Variants in NFE2L2 observed in about 807,000 individuals in gnomAD.
NFE2L2 encodes the protein nuclear factor erythroid 2-related factor 2.
Under a neutral mutation model 49.6 loss-of-function variants are expected in NFE2L2, and 20 were observed. The ratio of observed to expected loss-of-function variants is 0.40; its 90% CI spans 0.28 to 0.59. The LOEUF (loss-of-function observed/expected upper bound fraction) is 0.59. NFE2L2 is among the 20% of genes least tolerant of loss of function. The probability of loss-of-function intolerance (pLI) is 0.40; values close to 1 mark genes in which losing one functional copy is unlikely to be tolerated. For missense variants in NFE2L2, 578 were observed against 714.2 expected (o/e 0.81, Z 2.17); for synonymous variants, 244 against 256.5 (o/e 0.95, Z 0.47).
chr2:177,259,563 G>A (rs570635143), intron 1 of NFE2L2, among the ~76,000 whole-genome samples: 4 of 152,122 alleles, frequency 2.6e-5, no homozygotes, highest in Non-Finnish European at 5.9e-5. Flanking sequence ...CTGACACACA[G>A]AAGGCTCAAA....
intron 1 of NFE2L2, 70 bp downstream of exon 1, chr2:177,264,462 G>T: frequency 1.4e-6 from 2 of 1,471,862 alleles, no homozygotes; most frequent in Non-Finnish European, 1.8e-6. Context: ...GTCCCTCCCG[G>T]GCCGCGGTTC....
At chr2:177,246,469 GTTTT>G (rs950527969) in intron 1 of NFE2L2, among the ~76,000 whole-genome samples, 2 of 151,158 alleles carry the variant, frequency 1.3e-5, no homozygotes, top group Non-Finnish European at 1.5e-5. Context: ...CTAGTATCAG[GTTTT>G]TTTTTGTTTT....
At chr2:177,264,451 T>C in intron 1 of NFE2L2, 81 bp downstream of exon 1, 1 of 1,417,226 alleles carries the variant, frequency 7.1e-7, no homozygotes, top group Non-Finnish European at 9.5e-7. Context: ...CGGTTGCGGC[T>C]GTCCCTCCCG....
At chr2:177,263,435 A>G (rs1401687172) in intron 1 of NFE2L2, 1 of 985,406 alleles carries the variant, frequency 1.0e-6, no homozygotes, top group African/African-American at 1.7e-5. Context: ...ATCCCGTCTT[A>G]CACATTTTGG....
chr2:177,258,018 CTT>C (rs1419945804), intron 1 of NFE2L2, among the ~76,000 whole-genome samples: 1 of 152,212 alleles, frequency 6.6e-6, no homozygotes, highest in East Asian at 1.9e-4. Flanking sequence ...CCCTCAGAAT[CTT>C]TAAAAAATAG....
intron 1 of NFE2L2, among the ~76,000 whole-genome samples, chr2:177,237,463 G>A (rs1454390488): frequency 6.6e-6 from 1 of 152,222 alleles, no homozygotes; most frequent in Non-Finnish European, 1.5e-5. Flanking sequence ...TGATGGACAT[G>A]TTTACCCAAA....
At chr2:177,241,851 AAAAAC>A (rs1689948665) in intron 1 of NFE2L2, among the ~76,000 whole-genome samples, 1 of 152,128 alleles carries the variant, frequency 6.6e-6, no homozygotes, top group Non-Finnish European at 1.5e-5. Context: ...AAACAAAAGC[AAAAAC>A]AAAACAAAAA....
intron 1 of NFE2L2, among the ~76,000 whole-genome samples, chr2:177,250,081 G>A (rs1690279690): frequency 6.6e-6 from 1 of 152,176 alleles, no homozygotes; most frequent in East Asian, 1.9e-4. Context: ...GCAATTATTT[G>A]TAAAAGCTAC....
At chr2:177,256,410 C>T (rs1052216445) in intron 1 of NFE2L2, among the ~76,000 whole-genome samples, 1 of 148,740 alleles carries the variant, frequency 6.7e-6, no homozygotes, top group African/African-American at 2.5e-5. Context: ...CCCCTAAATA[C>T]ACAGTCAATA....
chr2:177,246,670 G>C (rs1690143638), intron 1 of NFE2L2, among the ~76,000 whole-genome samples: 1 of 149,838 alleles, frequency 6.7e-6, no homozygotes, highest in African/African-American at 2.5e-5. Context: ...CAGAATCACA[G>C]CTCACTGCAG....
chr2:177,247,087 GATAA>G (rs1690158385), intron 1 of NFE2L2, among the ~76,000 whole-genome samples: 2 of 152,196 alleles, frequency 1.3e-5, no homozygotes, highest in South Asian at 4.1e-4. Context: ...GTATCCCTAA[GATAA>G]ATACTTAAAA....
Position 177,231,484 on chromosome 2 carries a change from G to C in NFE2L2, c.1119C>G (p.Leu373=), listed in dbSNP as rs2105452693. ...SSSYGDTLLG[L]SDSEVEELDS... ...CTAGCTCTTCCACTTCAGAATCACTGAGGCCAAGTAGTGTGTCTCCATAGC... is the reference window on the plus strand; with the variant it reads ...CTAGCTCTTCCACTTCAGAATCACTCAGGCCAAGTAGTGTGTCTCCATAGC... The change falls in exon 5 of 5, where the codon CTC becomes CTG. Residue 373 remains leucine (L), a synonymous_variant. Coordinates refer to ENST00000397062, the MANE Select transcript of NFE2L2 (RefSeq NM_006164.5). 1 of 1,614,248 alleles carries C rather than the reference G, an allele frequency of 6.2e-7. No homozygotes were observed. The highest frequency in any genetic ancestry group is 8.5e-7 in the Non-Finnish European group (1 of 1,180,032).
intron 1 of NFE2L2, among the ~76,000 whole-genome samples, chr2:177,237,487 G>C (rs1574263651): frequency 6.6e-6 from 1 of 152,194 alleles, no homozygotes; most frequent in Admixed American, 6.5e-5. Context: ...TATCATGGGA[G>C]ACAGAAAATT....
At chr2:177,245,148 A>G (rs985468441) in intron 1 of NFE2L2, among the ~76,000 whole-genome samples, 3 of 152,070 alleles carry the variant, frequency 2.0e-5, no homozygotes, top group East Asian at 3.8e-4. Flanking sequence ...TCTCATACAT[A>G]AAGAGACTTC....
Position 177,233,348 on chromosome 2 carries a change from A to G in NFE2L2, c.313-9T>C, listed in dbSNP as rs2105456947. On this transcript the variant is annotated splice_polypyrimidine_tract_variant and intron_variant, in intron 2 of 4. Coordinates refer to ENST00000397062, the MANE Select transcript of NFE2L2 (RefSeq NM_006164.5). Reference sequence around the variant, plus strand: ...TTGGGAATGTGGGCAACCTGATAAAAGGGAATGACACAAAGGAAAACAAAA... The same window carrying G: ...TTGGGAATGTGGGCAACCTGATAAAGGGGAATGACACAAAGGAAAACAAAA... 6.2e-7 allele frequency: 1 copy of G among 1,605,028 alleles called. No individual in the cohort carries two copies. Among genetic ancestry groups the G allele is most frequent in the East Asian group, 2.3e-5 (1 of 44,262 alleles).
chr2:177,264,413 C>A, intron 1 of NFE2L2, 119 bp downstream of exon 1: 2 of 1,109,764 alleles, frequency 1.8e-6, no homozygotes, highest in South Asian at 1.6e-5. Flanking sequence ...GCGCCGCGGT[C>A]CTGGCTCTGG....
chr2:177,251,558 G>C (rs998318576), intron 1 of NFE2L2, among the ~76,000 whole-genome samples: 2 of 152,144 alleles, frequency 1.3e-5, no homozygotes, highest in Non-Finnish European at 2.9e-5. Flanking sequence ...TGCCATTCTA[G>C]GGCACACACC....
In NFE2L2 at chr2:177,230,473, T is replaced by C. The variant is rs1008340182; in HGVS notation, c.*312A>G. On this transcript the variant is annotated 3_prime_UTR_variant, in exon 5 of 5. Coordinates refer to ENST00000397062, the MANE Select transcript of NFE2L2 (RefSeq NM_006164.5). ...ATAATTTCTTTTTAGCCAGATGTCATATCATCATATAAATCTATGAATATA... is the reference window on the plus strand; with the variant it reads ...ATAATTTCTTTTTAGCCAGATGTCACATCATCATATAAATCTATGAATATA... 2 of 265,748 alleles carry C rather than the reference T, an allele frequency of 7.5e-6. No homozygotes were observed. The highest frequency in any genetic ancestry group is 1.4e-5 in the Non-Finnish European group (2 of 141,418). 16.5% of individuals were successfully genotyped at this position (265,748 alleles called of 1,614,324 possible). A position where few individuals can be genotyped will look rare whatever the true frequency, so the allele number is the denominator to read the frequency against.
chr2:177,243,744 ATCCTCCTGCCTT>A (rs2105472042), intron 1 of NFE2L2, among the ~76,000 whole-genome samples: 1 of 152,192 alleles, frequency 6.6e-6, no homozygotes, highest in South Asian at 2.1e-4. Flanking sequence ...GCCCCAACTG[ATCCTCCTGCCTT>A]GGTCTCCCAA....
Sources: gnomAD v4.1 joint callset for allele counts (sites outside exome capture counted in the v4.1 genomes callset) on GRCh38, gnomAD v4.1.1 for gene constraint, MANE v1.5 for transcripts, NCBI Gene and HGNC (gene_info 2026-07-23, HGNC 2026-07-21) for gene names.